The following DCHS2 variants were observed in gnomAD, a reference collection of about 807,000 sequenced individuals.
The protein encoded by DCHS2 is protocadherin-23.
A neutral mutation model predicts 182.4 loss-of-function variants in DCHS2; 142 were observed. That is an observed-to-expected ratio of 0.78 (90% CI 0.68 to 0.89). DCHS2 has a LOEUF of 0.89. Ranked by LOEUF, DCHS2 falls within the 40% of genes least tolerant of loss-of-function variation. The probability of loss-of-function intolerance (pLI) is 0.00; values close to 1 mark genes in which losing one functional copy is unlikely to be tolerated. For missense variants in DCHS2, 4,319 were observed against 4,198.6 expected, an observed-to-expected ratio of 1.03 and a Z score of -0.79; for synonymous variants, 1,740 against 1,663.3, an observed-to-expected ratio of 1.05 and a Z score of -1.12.
intron 17 of DCHS2, 107 bp from the exon 18 acceptor site, chr4:154,240,930 G>T: frequency 6.9e-7 from 1 of 1,455,942 alleles, no homozygotes; most frequent in Admixed American, 2.3e-5. Context: ...AATATGATTT[G>T]CTCTTTCTTG....
rs1242569682 is a variant in DCHS2, at chr4:154,236,718, A to G, written c.7934T>C (p.Leu2645Ser). 1 of 1,613,912 alleles carries G rather than the reference A, an allele frequency of 6.2e-7. No individual in the cohort carries two copies. ...TATTGATATGACAGCTGTGGAACTC[A>G]ATGGAGGGCAGCCACTGTCAGATGC... is the stretch of plus-strand genomic sequence containing the variant. ...ILASDSGCPP[L>S]SSTAVISIQV... Residue 2645 changes from leucine (L) to serine (S), a missense_variant, in exon 20 of 20, where the codon TTG becomes TCG. Physicochemically the swap from Leu to Ser is moderately radical, Grantham distance 145 (BLOSUM62 -2). Transcript: ENST00000357232.
intron 2 of DCHS2, chr4:154,373,910 T>C: frequency 6.2e-7 from 1 of 1,601,004 alleles, no homozygotes; most frequent in Non-Finnish European, 8.5e-7. Context: ...AGAAACATCA[T>C]GTTCCTTACC....
At chr4:154,435,030 A>T (rs183367543) in intron 1 of DCHS2, among the ~76,000 whole-genome samples, 1 of 152,298 alleles carries the variant, frequency 6.6e-6, no homozygotes, top group African/African-American at 2.4e-5. Context: ...AAAACTAGGG[A>T]TATTAAGAAT....
At chr4:154,252,459 A>T (rs1465519256) in intron 16 of DCHS2, among the ~76,000 whole-genome samples, 2 of 151,966 alleles carry the variant, frequency 1.3e-5, no homozygotes, top group African/African-American at 2.4e-5. Flanking sequence ...GTAATCTTTA[A>T]CCATTCCCAC....
intron 1 of DCHS2, among the ~76,000 whole-genome samples, chr4:154,460,082 T>C (rs1734950784): frequency 6.6e-6 from 1 of 152,176 alleles, no homozygotes; most frequent in African/African-American, 2.4e-5. Flanking sequence ...ACAAATGAAT[T>C]AATACCCTAT....
In DCHS2 at chr4:154,236,479, T is replaced by A; in HGVS notation, c.8173A>T (p.Ile2725Phe). The A allele has an allele frequency of 6.2e-7, 1 of 1,614,066 alleles. No individual in the cohort carries two copies. The highest frequency in any genetic ancestry group is 8.5e-7 in the Non-Finnish European group (1 of 1,179,958). Residue 2725 changes from isoleucine to phenylalanine, a missense_variant, in exon 20 of 20, where the codon ATT becomes TTT. Transcript: ENST00000357232. ...LEENTGVLYL[I>F]KPLDYEKMTK... Reference sequence around the variant, plus strand: ...ATTTTTTCATAATCCAGAGGTTTAATCAAATAAAGAACTCCAGTGTTTTCT... The same window carrying A: ...ATTTTTTCATAATCCAGAGGTTTAAACAAATAAAGAACTCCAGTGTTTTCT...
Position 154,490,999 on chromosome 4 carries a change from G to T in DCHS2, c.357C>A (p.His119Gln). 1 of 1,550,476 alleles carries T rather than the reference G, an allele frequency of 6.4e-7. No individual in the cohort carries two copies. The highest frequency in any genetic ancestry group is 8.7e-7 in the Non-Finnish European group (1 of 1,146,330). ...CAGTGCGGATGATGCCGGTGTCCGG[G>T]TGCACGTGGAAGTCGTCCAGCAGCG... The part of the protein sequence containing the change: ...DSPLLDDFHV[H>Q]PDTGIIRTAR... Residue 119 changes from histidine (H) to glutamine (Q), a missense_variant, in exon 1 of 20, where the codon CAC becomes CAA. By Grantham distance (24) the His-to-Gln change is conservative. Coordinates refer to ENST00000357232, the MANE Select transcript of DCHS2 (RefSeq NM_001358235.2).
chr4:154,234,446 A>C lies in DCHS2; in HGVS notation c.*90T>G. On this transcript the variant is annotated 3_prime_UTR_variant, in exon 20 of 20. Transcript: ENST00000357232. ...ATTACATCACTTGCTTTTAGATAAA[A>C]ATGAGCCCAATCTCGAGTTGCTGGC... 2.8e-6 allele frequency: 4 copies of C among 1,423,430 alleles called. No homozygotes were observed. Among genetic ancestry groups the C allele is most frequent in the Non-Finnish European group, 3.7e-6 (4 of 1,083,440 alleles). 88.2% of individuals were successfully genotyped at this position (1,423,430 alleles called of 1,614,324 possible).
At chr4:154,323,638 G>T (rs150874930) in intron 7 of DCHS2, among the ~76,000 whole-genome samples, 1 of 152,268 alleles carries the variant, frequency 6.6e-6, no homozygotes, top group East Asian at 1.9e-4. Context: ...TTTGAGTACT[G>T]ACATGATGCT....
At chr4:154,486,416 A>G (rs1268086784) in intron 1 of DCHS2, 1 of 1,303,996 alleles carries the variant, frequency 7.7e-7, no homozygotes, top group Non-Finnish European at 1.0e-6. Context: ...TTTTTATCAG[A>G]TGACATGGTA....
intron 16 of DCHS2, among the ~76,000 whole-genome samples, chr4:154,249,663 G>T (rs1379910144): frequency 6.6e-6 from 1 of 152,074 alleles, no homozygotes; most frequent in Admixed American, 6.6e-5. Flanking sequence ...AGGCAACCTA[G>T]GTGCCTGTTA....
intron 3 of DCHS2, chr4:154,357,193 C>CT (rs761907136): frequency 1.3e-6 from 2 of 1,517,752 alleles, no homozygotes; most frequent in South Asian, 2.3e-5. Context: ...CTGACTCTGG[C>CT]TTTTTTGGAG....
At chr4:154,316,499 C>G (rs917347999) in intron 9 of DCHS2, among the ~76,000 whole-genome samples, 2 of 152,036 alleles carry the variant, frequency 1.3e-5, no homozygotes, top group African/African-American at 4.8e-5. Context: ...TGTAGTGGCT[C>G]AGGCTGGGTG....
chr4:154,241,114 A>G (rs1731804709), intron 17 of DCHS2, among the ~76,000 whole-genome samples: 1 of 152,162 alleles, frequency 6.6e-6, no homozygotes, highest in Non-Finnish European at 1.5e-5. Context: ...CAGTACCAAG[A>G]AACATTCTAA....
chr4:154,384,883 A>G (rs1395061165), intron 1 of DCHS2, among the ~76,000 whole-genome samples: 1 of 134,596 alleles, frequency 7.4e-6, no homozygotes, highest in Admixed American at 8.5e-5. Flanking sequence ...TGAAAGAATA[A>G]TTTCCGCTGT....
intron 3 of DCHS2, among the ~76,000 whole-genome samples, chr4:154,362,736 C>T (rs939567022): frequency 1.3e-5 from 2 of 152,152 alleles, no homozygotes; most frequent in Non-Finnish European, 2.9e-5. Context: ...AAAGACCAAC[C>T]CTTCTCCTTC....
At chr4:154,328,772 T>C (rs997321199) in intron 6 of DCHS2, among the ~76,000 whole-genome samples, 21 of 152,308 alleles carry the variant, frequency 1.4e-4, no homozygotes, top group Admixed American at 7.8e-4. Flanking sequence ...TTGTTAGAAT[T>C]TTTCTTTAAA....
intron 16 of DCHS2, among the ~76,000 whole-genome samples, chr4:154,245,920 T>C (rs1258902422): frequency 6.6e-6 from 1 of 152,196 alleles, no homozygotes. Flanking sequence ...TGTGTCAGTG[T>C]AGCTTCATCA....
chr4:154,384,478 G>T, intron 1 of DCHS2: 1 of 1,579,702 alleles, frequency 6.3e-7, no homozygotes, highest in Non-Finnish European at 8.6e-7. Flanking sequence ...CTGCTTGTAG[G>T]GGACTGAATG....
Sources: allele counts gnomAD v4.1 joint callset (sites outside exome capture counted in the v4.1 genomes callset), GRCh38; gene constraint gnomAD v4.1.1; transcripts MANE v1.5; gene names NCBI Gene and HGNC (gene_info 2026-07-23, HGNC 2026-07-21).